STX17: variants seen among roughly 807,000 people sequenced by gnomAD.
STX17 encodes the protein syntaxin 17.
A neutral mutation model predicts 35.9 loss-of-function variants in STX17; 29 were observed. The ratio of observed to expected loss-of-function variants is 0.81; its 90% CI spans 0.60 to 1.10. The LOEUF is 1.10. Among genes scored for constraint, STX17 ranks in the 50% least tolerant of loss-of-function variants. STX17 has a pLI of 0.00. For missense variants in STX17, 312 were observed against 352.3 expected, an observed-to-expected ratio of 0.89 and a Z score of 0.92; for synonymous variants, 92 against 118.3, an observed-to-expected ratio of 0.78 and a Z score of 1.44.
At chr9:99,951,358 TACTG>T in intron 4 of STX17, 73 bp downstream of exon 4, 1 of 1,374,740 alleles carries the variant, frequency 7.3e-7, no homozygotes, top group Non-Finnish European at 1.0e-6. Context: ...CTTGAGTAGA[TACTG>T]AATTATCTAT....
intron 2 of STX17, among the ~76,000 whole-genome samples, chr9:99,924,425 T>A (rs1273041389): frequency 1.3e-5 from 2 of 151,984 alleles, no homozygotes; most frequent in African/African-American, 2.4e-5. Flanking sequence ...ATTTATATAA[T>A]CATAATATCA....
At chr9:99,933,956 T>C (rs931031256) in intron 3 of STX17, among the ~76,000 whole-genome samples, 6 of 152,150 alleles carry the variant, frequency 3.9e-5, no homozygotes, top group Non-Finnish European at 7.4e-5. Context: ...GTTTCTACCT[T>C]GAAGGAACTT....
chr9:99,939,931 G>A (rs1829316318), intron 3 of STX17, among the ~76,000 whole-genome samples: 1 of 152,152 alleles, frequency 6.6e-6, no homozygotes, highest in Admixed American at 6.5e-5. Flanking sequence ...TACTCTACAT[G>A]TATTTTTTAA....
At chr9:99,945,730 C>T in intron 3 of STX17, 2 of 403,574 alleles carry the variant, frequency 5.0e-6, no homozygotes, top group South Asian at 3.6e-5. Flanking sequence ...TTAGGAACTA[C>T]ATTTGAGCCT....
At chr9:99,936,879 CT>C (rs1365043141) in intron 3 of STX17, among the ~76,000 whole-genome samples, 1 of 151,992 alleles carries the variant, frequency 6.6e-6, no homozygotes, top group East Asian at 1.9e-4. Context: ...GCTTAATGCC[CT>C]TATGTAGATC....
intron 3 of STX17, among the ~76,000 whole-genome samples, chr9:99,942,966 C>T (rs1829396599): frequency 6.6e-6 from 1 of 152,148 alleles, no homozygotes; most frequent in South Asian, 2.1e-4. Context: ...AGGAAGTTCT[C>T]CTACTTCCTT....
intron 3 of STX17, among the ~76,000 whole-genome samples, chr9:99,948,221 G>A (rs1587932165): frequency 6.6e-6 from 1 of 152,136 alleles, no homozygotes; most frequent in Non-Finnish European, 1.5e-5. Context: ...GAGATGTGCT[G>A]TGAATGTAAA....
At chr9:99,916,524 C>A (rs570326208) in intron 2 of STX17, among the ~76,000 whole-genome samples, 1 of 151,636 alleles carries the variant, frequency 6.6e-6, no homozygotes, top group East Asian at 1.9e-4. Context: ...AAACATTATT[C>A]ATTACTCAAC....
At position 99,967,718 on chromosome 9, in the gene STX17, G is replaced by A; in HGVS notation, c.648G>A (p.Glu216=). ...HVNSAAVNVE[E]GTKNLGKAAK... ...ACAGTGCTGCTGTGAATGTTGAAGA[G>A]GGAACCAAAAACTTAGGGAAGGTAA... Residue 216 remains glutamate, a synonymous_variant, in exon 7 of 8, where the codon GAG becomes GAA. Coordinates refer to ENST00000259400, the MANE Select transcript of STX17 (RefSeq NM_017919.3). The A allele has an allele frequency of 6.2e-7, 1 of 1,613,832 alleles. No homozygotes were observed. The highest frequency in any genetic ancestry group is 1.3e-5 in the African/African-American group (1 of 74,992).
chr9:99,972,072 T>C lies in STX17; in HGVS notation c.*3399T>C, dbSNP rs1034525274. Among the ~76,000 whole-genome samples the C allele has an allele frequency of 2.6e-5, 4 of 152,202 alleles. No homozygotes were observed. Among genetic ancestry groups the C allele is most frequent in the Non-Finnish European group, 5.9e-5 (4 of 68,024 alleles). Reference sequence around the variant, plus strand: ...ACACATTCCATTCATTTGCATCTTTTTAAAAAACTTCTGATTCCTTACTGA... The same window carrying C: ...ACACATTCCATTCATTTGCATCTTTCTAAAAAACTTCTGATTCCTTACTGA... On this transcript the variant is annotated 3_prime_UTR_variant, in exon 8 of 8. Coordinates refer to ENST00000259400, the MANE Select transcript of STX17 (RefSeq NM_017919.3).
chr9:99,963,996 G>T (rs531702939), intron 6 of STX17, among the ~76,000 whole-genome samples: 1 of 152,180 alleles, frequency 6.6e-6, no homozygotes, highest in Admixed American at 6.5e-5. Context: ...ATTTAGAGAG[G>T]AATAAATGGA....
chr9:99,914,517 A>G (rs1166633244), intron 1 of STX17, among the ~76,000 whole-genome samples: 3 of 152,182 alleles, frequency 2.0e-5, no homozygotes, highest in African/African-American at 7.2e-5. Flanking sequence ...AAGTATTTCA[A>G]TGTAATTTCA....
intron 3 of STX17, among the ~76,000 whole-genome samples, chr9:99,946,714 T>A (rs935257790): frequency 2.6e-5 from 4 of 152,224 alleles, no homozygotes; most frequent in Non-Finnish European, 5.9e-5. Context: ...AAAATATTTT[T>A]ATTTTACCTG....
In STX17 at chr9:99,915,330, A is replaced by T; in HGVS notation, c.91A>T (p.Arg31Trp). ...GATAGTAATCCCAACAGACCTGGAA[A>T]GGTTAAGAAAGCACCAGATAAATAT... ...IKIVIPTDLE[R>W]LRKHQINIEK... is the part of the protein sequence containing the mutation. Residue 31 changes from arginine (R) to tryptophan (W), a missense_variant, in exon 2 of 8, where the codon AGG becomes TGG. By Grantham distance (101) the Arg-to-Trp change is moderately radical (BLOSUM62 -3). Coordinates refer to ENST00000259400, the MANE Select transcript of STX17 (RefSeq NM_017919.3). 6.2e-7 allele frequency: 1 copy of T among 1,610,546 alleles called. No homozygotes were observed. The highest frequency in any genetic ancestry group is 8.5e-7 in the Non-Finnish European group (1 of 1,178,640).
rs1227006048 is a variant in STX17 at position 99,973,447 on chromosome 9, CT to C, written c.*4775del. ...CGGAAAGATAATTGGACGGGGAATC[CT>C]GAGATCAGAGTCCTAGTTTGGCTTT... On this transcript the variant is annotated 3_prime_UTR_variant, in exon 8 of 8. Transcript: ENST00000259400. Among the ~76,000 whole-genome samples the C allele has an allele frequency of 1.3e-5, 2 of 152,134 alleles. No individual in the cohort carries two copies. Among genetic ancestry groups the C allele is most frequent in the Non-Finnish European group, 2.9e-5 (2 of 68,022 alleles).
chr9:99,932,139 C>A (rs1829138674), intron 3 of STX17, among the ~76,000 whole-genome samples: 1 of 152,112 alleles, frequency 6.6e-6, no homozygotes, highest in Non-Finnish European at 1.5e-5. Context: ...TCAGTACAGG[C>A]TTTTTAGCCC....
At chr9:99,922,299 A>C (rs1828905292) in intron 2 of STX17, among the ~76,000 whole-genome samples, 1 of 152,132 alleles carries the variant, frequency 6.6e-6, no homozygotes. Flanking sequence ...ATATTTGGTG[A>C]GAGTGGAGGG....
At chr9:99,949,788 ATTGT>A (rs1173696545) in intron 3 of STX17, among the ~76,000 whole-genome samples, 3 of 151,886 alleles carry the variant, frequency 2.0e-5, no homozygotes, top group Non-Finnish European at 2.9e-5. Flanking sequence ...TCTTAAAGGG[ATTGT>A]TTCTTTGTTT....
At position 99,908,413 on chromosome 9, in the gene STX17, T is replaced by G. The variant is rs149253905; in HGVS notation, c.-63+1707T>G. ...TCCTCATTTCTTTATTAATTGAAATTATTCTGTAAGGATGAGCTGCCCATT... is the reference window on the plus strand; with the variant it reads ...TCCTCATTTCTTTATTAATTGAAATGATTCTGTAAGGATGAGCTGCCCATT... On this transcript the variant is annotated intron_variant, in intron 1 of 7. Transcript: ENST00000259400. Among the ~76,000 whole-genome samples the G allele has an allele frequency of 3.4e-3, 524 of 152,354 alleles. 3 individuals carry two copies. Among genetic ancestry groups the G allele is most frequent in the African/African-American group, 0.012 (490 of 41,574 alleles).
Sources: gnomAD v4.1 joint callset for allele counts (sites outside exome capture counted in the v4.1 genomes callset) on GRCh38, gnomAD v4.1.1 for gene constraint, MANE v1.5 for transcripts, NCBI Gene and HGNC (gene_info 2026-07-23, HGNC 2026-07-21) for gene names.